GKAP1: variants seen among roughly 807,000 people sequenced by gnomAD.
GKAP1 encodes the protein G kinase anchoring protein 1.
Under a neutral mutation model 56.7 loss-of-function variants are expected in GKAP1, and 31 were observed. The observed-to-expected ratio is 0.55, with a 90% CI of 0.41 to 0.74. The LOEUF is 0.74. Among genes scored for constraint, GKAP1 ranks in the 30% least tolerant of loss-of-function variants. The pLI is 0.00. For synonymous variants in GKAP1, 151 were observed against 138.6 expected (o/e 1.09, Z -0.63); for missense variants, 364 against 402.3 (o/e 0.90, Z 0.82).
At chr9:83,753,482 C>T (rs1943427496) in intron 8 of GKAP1, 123 bp from the exon 9 acceptor site, 1 of 668,348 alleles carries the variant, frequency 1.5e-6, no homozygotes, top group South Asian at 1.7e-5. Flanking sequence ...CCACCTTATG[C>T]TGTTGACTAC....
Position 83,817,065 on chromosome 9 carries a change from G to T in GKAP1, c.-113C>A, listed in dbSNP as rs1049595814. ...CGATGCTCCGAAACTTATTCGCAAA[G>T]TACATAGAGAAAGAAATTGCGCTGG... On this transcript the variant is annotated 5_prime_UTR_variant, in exon 2 of 13. The change creates a premature stop within an existing upstream ORF in the 5' untranslated region. Transcript: ENST00000376371. 9.2e-5 allele frequency: 14 copies of T among 152,200 alleles called. No individual in the cohort carries two copies. The highest frequency in any genetic ancestry group is 3.4e-4 in the African/African-American group (14 of 41,438). The allele number at this position is 152,200 out of a possible 1,614,324, so 9.4% of individuals were successfully genotyped here. A position where few individuals can be genotyped will look rare whatever the true frequency, so the allele number is the denominator to read the frequency against.
In GKAP1 at chr9:83,794,971, T is replaced by TA. The variant is rs200321345; in HGVS notation, c.360+4213dup. 1.7e-3 allele frequency among the ~76,000 whole-genome samples: 259 copies of TA among 151,870 alleles called. 1 individual carries two copies. Among genetic ancestry groups the TA allele is most frequent in the African/African-American group, 5.8e-3 (240 of 41,434 alleles). ...AGGAGTTCGAGACCAGCCTGGCCTG[T>TA]AAAATCCCACCTCCACTAAAAAACA... On this transcript the variant is annotated intron_variant, in intron 4 of 12. Transcript: ENST00000376371.
chr9:83,751,770 A>G (rs1022713482), intron 9 of GKAP1, among the ~76,000 whole-genome samples: 3 of 152,150 alleles, frequency 2.0e-5, no homozygotes, highest in African/African-American at 7.2e-5. Flanking sequence ...TTAAAAAAAA[A>G]AAAACCTAAG....
intron 2 of GKAP1, among the ~76,000 whole-genome samples, chr9:83,812,178 TATAA>T (rs1179307600): frequency 2.7e-5 from 4 of 150,508 alleles, no homozygotes; most frequent in Non-Finnish European, 4.4e-5. Flanking sequence ...ACAATGACTA[TATAA>T]ATATATATAT....
chr9:83,805,125 G>C (rs1587740699), intron 3 of GKAP1, among the ~76,000 whole-genome samples: 1 of 152,200 alleles, frequency 6.6e-6, no homozygotes, highest in South Asian at 2.1e-4. Context: ...TCTGTACTAA[G>C]ATAAATTCTT....
At chr9:83,775,551 G>A (rs1328477818) in intron 7 of GKAP1, among the ~76,000 whole-genome samples, 1 of 151,896 alleles carries the variant, frequency 6.6e-6, no homozygotes, top group Non-Finnish European at 1.5e-5. Flanking sequence ...CTTGGCAGAT[G>A]TTAAAAAGGA....
chr9:83,767,314 A>G (rs1240998904), intron 8 of GKAP1, among the ~76,000 whole-genome samples: 1 of 152,118 alleles, frequency 6.6e-6, no homozygotes, highest in Non-Finnish European at 1.5e-5. Context: ...CAAAGGGTCC[A>G]ACAACAAACA....
At chr9:83,788,772 G>A in intron 4 of GKAP1, 94 bp from the exon 5 acceptor site, 1 of 662,176 alleles carries the variant, frequency 1.5e-6, no homozygotes, top group East Asian at 2.8e-5. Context: ...GGAAAAGAAA[G>A]CAAATATGTT....
chr9:83,775,170 T>A (rs1943836914), intron 7 of GKAP1, among the ~76,000 whole-genome samples: 1 of 152,132 alleles, frequency 6.6e-6, no homozygotes, highest in Admixed American at 6.5e-5. Context: ...AGCCTGCTAA[T>A]TTTGTTTATG....
chr9:83,806,819 T>C (rs1044139497), intron 2 of GKAP1, among the ~76,000 whole-genome samples: 4 of 152,172 alleles, frequency 2.6e-5, no homozygotes, highest in Non-Finnish European at 5.9e-5. Flanking sequence ...AAATTCACAG[T>C]CTTCCTCTCT....
chr9:83,772,513 C>T (rs1469086118), intron 7 of GKAP1, among the ~76,000 whole-genome samples: 1 of 151,910 alleles, frequency 6.6e-6, no homozygotes, highest in Non-Finnish European at 1.5e-5. Flanking sequence ...TAATGAACAC[C>T]AAAAGTACAA....
At chr9:83,741,864 A>T in intron 12 of GKAP1, 88 bp downstream of exon 12, 1 of 770,412 alleles carries the variant, frequency 1.3e-6, no homozygotes, top group Non-Finnish European at 2.1e-6. Flanking sequence ...TTTTGGCCTA[A>T]GAATAAAATA....
chr9:83,786,655 A>G (rs1944069102), intron 5 of GKAP1, among the ~76,000 whole-genome samples: 1 of 152,218 alleles, frequency 6.6e-6, no homozygotes, highest in Admixed American at 6.5e-5. Flanking sequence ...AAGTTGTTTT[A>G]TTGAATATTG....
chr9:83,775,011 C>CTT lies in GKAP1; in HGVS notation c.585+5369_585+5370dup, dbSNP rs76738284. ...GGTGACCCACCGCGCCCGGCCCCTT[C>CTT]TTTTTTTTTTTTTAAGAGATGAAGT... On this transcript the variant is annotated intron_variant, in intron 7 of 12. Coordinates refer to ENST00000376371, the MANE Select transcript of GKAP1 (RefSeq NM_025211.4). 5.6e-4 allele frequency among the ~76,000 whole-genome samples: 81 copies of CTT among 145,306 alleles called. 1 individual carries two copies. Among genetic ancestry groups the CTT allele is most frequent in the South Asian group, 2.4e-3 (11 of 4,594 alleles).
chr9:83,787,360 CCAAG>C lies in GKAP1; in HGVS notation c.438+1237_438+1240del, dbSNP rs1297270431. On this transcript the variant is annotated intron_variant, in intron 5 of 12. Coordinates refer to ENST00000376371, the MANE Select transcript of GKAP1 (RefSeq NM_025211.4). ...CAAGGGGTTCTCCCACCTCAGCCTCCCAAGTAGCTGGGAATACAGGCTCACACCA... is the reference window on the plus strand; with the variant it reads ...CAAGGGGTTCTCCCACCTCAGCCTCCTAGCTGGGAATACAGGCTCACACCA... Among the ~76,000 whole-genome samples the C allele has an allele frequency of 5.9e-5, 9 of 151,936 alleles. No individual in the cohort carries two copies. The East Asian group carries it at 1.7e-3, about 29-fold the overall frequency.
chr9:83,798,226 T>C (rs1355955239), intron 4 of GKAP1, among the ~76,000 whole-genome samples: 1 of 152,244 alleles, frequency 6.6e-6, no homozygotes, highest in African/African-American at 2.4e-5. Context: ...GCTAGAATGA[T>C]ACTTATTCTG....
chr9:83,813,641 CAAAAT>C (rs1385782265), intron 2 of GKAP1, among the ~76,000 whole-genome samples: 1 of 152,128 alleles, frequency 6.6e-6, no homozygotes, highest in Non-Finnish European at 1.5e-5. Flanking sequence ...TGAAGGAAGA[CAAAAT>C]AAATTCACAC....
At chr9:83,797,752 A>T (rs1944271228) in intron 4 of GKAP1, among the ~76,000 whole-genome samples, 1 of 152,224 alleles carries the variant, frequency 6.6e-6, no homozygotes, top group Non-Finnish European at 1.5e-5. Flanking sequence ...GATATCTGTG[A>T]TCAAGTTCCC....
chr9:83,801,561 T>C (rs563641915), intron 3 of GKAP1, among the ~76,000 whole-genome samples: 1 of 152,308 alleles, frequency 6.6e-6, no homozygotes, highest in Admixed American at 6.5e-5. Context: ...TGTAAGTAGC[T>C]GGTTTCTGAT....
Sources: gnomAD v4.1 joint callset for allele counts (sites outside exome capture counted in the v4.1 genomes callset) on GRCh38, gnomAD v4.1.1 for gene constraint, MANE v1.5 for transcripts, NCBI Gene and HGNC (gene_info 2026-07-23, HGNC 2026-07-21) for gene names.